Variants in RYR3 observed in about 807,000 individuals in gnomAD.
RYR3 encodes the protein brain ryanodine receptor-calcium release channel.
RYR3 carries 207 observed loss-of-function variants against 584.3 expected under a neutral mutation model. The ratio of observed to expected loss-of-function variants is 0.35; its 90% confidence interval spans 0.32 to 0.40. The LOEUF (loss-of-function observed/expected upper bound fraction) is 0.40. RYR3 is among the 10% of genes least tolerant of loss of function. The pLI is 1.00. For synonymous variants in RYR3, 2,416 were observed against 2,248.5 expected, an observed-to-expected ratio of 1.07 and a Z score of -2.11; for missense variants, 5,616 against 6,089.2, an observed-to-expected ratio of 0.92 and a Z score of 2.59.
In RYR3 at chr15:33,634,609, C is replaced by T; in HGVS notation, c.3051C>T (p.Pro1017=). The T allele has an allele frequency of 6.2e-7, 1 of 1,613,892 alleles. No individual in the cohort carries two copies. Among genetic ancestry groups the T allele is most frequent in the South Asian group, 1.1e-5 (1 of 91,078 alleles). The change falls in exon 25 of 104, where the codon CCC becomes CCT. Residue 1017 remains proline (P), a synonymous_variant. Transcript: ENST00000634891. The part of the protein sequence containing the change: ...IQQDLKNKRN[P]RLVPYALLDE... Reference sequence around the variant, plus strand: ...AGGATTTGAAGAACAAAAGAAATCCCCGTCTGGTGCCATATGCATTACTGG... The same window carrying T: ...AGGATTTGAAGAACAAAAGAAATCCTCGTCTGGTGCCATATGCATTACTGG...
At chr15:33,340,829 A>G (rs77757194) in intron 1 of RYR3, among the ~76,000 whole-genome samples, 2,870 of 152,236 alleles carry the variant, frequency 0.019, 94 homozygotes, top group African/African-American at 0.066. Context: ...TAACACTTGG[A>G]ATCTAATCAT....
At chr15:33,747,302 T>C (rs1183025732) in intron 53 of RYR3, among the ~76,000 whole-genome samples, 2 of 151,984 alleles carry the variant, frequency 1.3e-5, no homozygotes, top group Non-Finnish European at 2.9e-5. Context: ...TAGTGTCACA[T>C]GTAAAGGCTG....
Position 33,838,643 on chromosome 15 carries a change from A to C in RYR3, c.12663A>C (p.Glu4221Asp). The change falls in exon 89 of 104, where the codon GAA (glutamate) becomes GAC (aspartate). Residue 4221 changes from glutamate (E) to aspartate (D), a missense_variant. Physicochemically the swap from Glu to Asp is conservative, Grantham distance 45. Transcript: ENST00000634891. The stretch of plus-strand genomic sequence containing the variant: ...CAGTGTTTGGAGGGGGCCTGGTAGA[A>C]GGGGCAAAGAACATCAGAGTGACCA... The part of the protein sequence containing the change: ...WSTVFGGGLV[E>D]GAKNIRVTKI... 3.7e-6 allele frequency: 6 copies of C among 1,613,902 alleles called. No individual in the cohort carries two copies. The highest frequency in any genetic ancestry group is 5.1e-6 in the Non-Finnish European group (6 of 1,179,868).
intron 1 of RYR3, among the ~76,000 whole-genome samples, chr15:33,404,585 G>GTT (rs200311525): frequency 7.8e-6 from 1 of 127,780 alleles, no homozygotes. Context: ...ATTTACTACT[G>GTT]TGTGTTTTTT....
At chr15:33,387,645 C>A in intron 1 of RYR3, among the ~76,000 whole-genome samples, 2 of 125,002 alleles carry the variant, frequency 1.6e-5, no homozygotes, top group East Asian at 2.2e-4. Context: ...GATGAATAGG[C>A]AGGAAAAATG....
intron 43 of RYR3, 154 bp from the exon 44 acceptor site, chr15:33,722,561 C>A (rs146695629): frequency 2.9e-6 from 2 of 690,454 alleles, no homozygotes; most frequent in East Asian, 2.7e-5. Flanking sequence ...GTCTTAGTTC[C>A]TTCTCCACTC....
intron 53 of RYR3, among the ~76,000 whole-genome samples, chr15:33,746,834 G>A (rs187706630): frequency 1.4e-5 from 2 of 147,474 alleles, no homozygotes; most frequent in African/African-American, 4.9e-5. Context: ...TTTGAGGCAG[G>A]GTCTCGTTCT....
intron 40 of RYR3, 101 bp from the exon 41 acceptor site, chr15:33,699,603 C>G: frequency 9.6e-7 from 1 of 1,037,366 alleles, no homozygotes; most frequent in South Asian, 1.9e-5. Flanking sequence ...TTCATTTTTC[C>G]AAGTGTTCAC....
intron 102 of RYR3, among the ~76,000 whole-genome samples, chr15:33,863,488 G>A (rs1567366952): frequency 6.6e-6 from 1 of 152,094 alleles, no homozygotes; most frequent in African/African-American, 2.4e-5. Context: ...TTCCGGAAGG[G>A]CAAGAGCCTG....
intron 55 of RYR3, among the ~76,000 whole-genome samples, chr15:33,748,913 A>G (rs2071012318): frequency 6.6e-6 from 1 of 152,132 alleles, no homozygotes; most frequent in Non-Finnish European, 1.5e-5. Flanking sequence ...ACATCCCCCC[A>G]TATACTTTAA....
rs187643141 is a variant in RYR3, at chr15:33,682,150, C to G, written c.5860+11594C>G. Among the ~76,000 whole-genome samples the G allele has an allele frequency of 1.5e-4, 23 of 152,288 alleles. No individual in the cohort carries two copies. In the East Asian group the frequency reaches 3.7e-3, roughly 24 times the overall value. ...GTAGGTGAATCTTTAGAGAATTTCT[C>G]ATAAGGGTCACACATGGTGGGCTTG... On this transcript the variant is annotated intron_variant, in intron 38 of 103. Coordinates refer to ENST00000634891, the MANE Select transcript of RYR3 (RefSeq NM_001036.6).
intron 57 of RYR3, among the ~76,000 whole-genome samples, chr15:33,751,934 A>G (rs1308802346): frequency 6.6e-6 from 1 of 152,190 alleles, no homozygotes; most frequent in Non-Finnish European, 1.5e-5. Flanking sequence ...ATCCAGTTTC[A>G]GCTTTCTGCG....
rs774678314 is a variant in RYR3, at chr15:33,660,219, C to T, written c.4418C>T (p.Ala1473Val). 1.2e-5 allele frequency: 18 copies of T among 1,552,460 alleles called. No individual in the cohort carries two copies. The highest frequency in any genetic ancestry group is 2.4e-5 in the South Asian group (2 of 84,070). ...KLKNAMPLSA[A>V]IFRSEEKNPV... The stretch of plus-strand genomic sequence containing the variant: ...CAGAACGCAATGCCCCTGTCAGCGG[C>T]CATATTCAGGAGTGAAGAGAAGAAC... The change falls in exon 34 of 104, where the codon GCC becomes GTC. Residue 1473 changes from alanine to valine, a missense_variant. Transcript: ENST00000634891.
At position 33,439,468 on chromosome 15, in the gene RYR3, C is replaced by T. The variant is rs997909933; in HGVS notation, c.52-33951C>T. 3.3e-5 allele frequency among the ~76,000 whole-genome samples: 5 copies of T among 152,252 alleles called. No homozygotes were observed. The East Asian group carries it at 9.6e-4, about 29-fold the overall frequency. ...AAAAGTACTGTATATCTTCTTCATA[C>T]TCTATTTGATTCAATTTGCCATCAT... On this transcript the variant is annotated intron_variant, in intron 1 of 103. Coordinates refer to ENST00000634891, the MANE Select transcript of RYR3 (RefSeq NM_001036.6).
chr15:33,849,807 A>C (rs1262469675), intron 94 of RYR3: 2 of 152,286 alleles, frequency 1.3e-5, no homozygotes, highest in East Asian at 3.9e-4. Flanking sequence ...AACTAAGGAT[A>C]TTTATTTCTT....
intron 94 of RYR3, chr15:33,851,372 C>A (rs940686667): frequency 2.0e-5 from 3 of 152,010 alleles, no homozygotes; most frequent in Admixed American, 2.0e-4. Flanking sequence ...TTATTGCTGG[C>A]AGATAATTTT....
chr15:33,755,066 G>A lies in RYR3; in HGVS notation c.8401G>A (p.Gly2801Ser), dbSNP rs1242074174. 1 of 1,589,248 alleles carries A rather than the reference G, an allele frequency of 6.3e-7. No homozygotes were observed. Among genetic ancestry groups the A allele is most frequent in the Non-Finnish European group, 8.6e-7 (1 of 1,158,328 alleles). Residue 2801 changes from glycine to serine, a missense_variant and splice_region_variant, in exon 58 of 104, where the codon GGT becomes AGT. Physicochemically the swap from Gly to Ser is moderately conservative, Grantham distance 56 (BLOSUM62 0). This residue lies in a region of RYR3 where 1,280 missense variants were observed against 1,426.2 expected (regional missense o/e 0.90). Coordinates refer to ENST00000634891, the MANE Select transcript of RYR3 (RefSeq NM_001036.6). ...LQVNGIIVSR[G>S]MKDMELDASS... ...GGGGTCTGTCCATGTCCAACGTAGG[G>A]GTATGAAGGATATGGAGCTGGATGC...
At chr15:33,791,564 A>C (rs1325879445) in intron 67 of RYR3, among the ~76,000 whole-genome samples, 1 of 152,180 alleles carries the variant, frequency 6.6e-6, no homozygotes, top group Non-Finnish European at 1.5e-5. Flanking sequence ...AGAGTGGAAG[A>C]ATAGATGCAC....
intron 38 of RYR3, among the ~76,000 whole-genome samples, chr15:33,674,242 G>A (rs1285202292): frequency 1.3e-5 from 2 of 152,138 alleles, no homozygotes; most frequent in African/African-American, 4.8e-5. Context: ...ACACAAATAC[G>A]CACATGCAAA....
Sources: allele counts gnomAD v4.1 joint callset (sites outside exome capture counted in the v4.1 genomes callset), GRCh38; gene constraint gnomAD v4.1.1; regional missense constraint gnomAD v4.1.1; transcripts MANE v1.5; gene names NCBI Gene and HGNC (gene_info 2026-07-23, HGNC 2026-07-21).